The following WNK2 variants were observed in gnomAD, a reference collection of about 807,000 sequenced individuals.
The protein encoded by WNK2 is WNK lysine deficient protein kinase 2, also known as serine/threonine-protein kinase WNK2.
Under a neutral mutation model 192.1 loss-of-function variants are expected in WNK2, and 67 were observed. The observed-to-expected ratio is 0.35, with a 90% CI of 0.29 to 0.43. The LOEUF is 0.43. WNK2 is among the 20% of genes least tolerant of loss of function. The pLI is 1.00. For missense variants in WNK2, 2,698 were observed against 3,089.7 expected (o/e 0.87, Z 3.01); for synonymous variants, 1,439 against 1,393.9 (o/e 1.03, Z -0.72).
At chr9:93,262,141 TG>T (rs1450405581) in intron 13 of WNK2, 34 bp downstream of exon 13, 1 of 1,544,732 alleles carries the variant, frequency 6.5e-7, no homozygotes, top group Non-Finnish European at 8.8e-7. Flanking sequence ...GTCCCATGAC[TG>T]GGCAGTTGCG....
intron 19 of WNK2, 118 bp downstream of exon 19, chr9:93,268,864 C>T (rs754705644): frequency 1.3e-6 from 2 of 1,574,080 alleles, no homozygotes; most frequent in African/African-American, 2.7e-5. Flanking sequence ...CTCACCCTGC[C>T]CTGTCTCCCA....
chr9:93,318,348 T>C, intron 29 of WNK2: 1 of 1,593,660 alleles, frequency 6.3e-7, no homozygotes, highest in Non-Finnish European at 8.6e-7. Flanking sequence ...AGAGCTTCCA[T>C]TGCTAGGTGA....
intron 28 of WNK2, among the ~76,000 whole-genome samples, chr9:93,312,872 C>T (rs1853926855): frequency 6.6e-6 from 1 of 152,164 alleles, no homozygotes. Context: ...GTGGACCACC[C>T]TCTGGCTCTG....
chr9:93,260,317 A>G (rs147609223), intron 12 of WNK2, among the ~76,000 whole-genome samples: 206 of 152,252 alleles, frequency 1.4e-3, no homozygotes, highest in Admixed American at 4.0e-3. Context: ...GAGAGGGGCT[A>G]GTATGGGAGC....
At chr9:93,221,804 C>T (rs754358978) in intron 2 of WNK2, among the ~76,000 whole-genome samples, 2 of 152,018 alleles carry the variant, frequency 1.3e-5, no homozygotes, top group Non-Finnish European at 2.9e-5. Flanking sequence ...GCGTCGTGTC[C>T]ATCACCTCCG....
chr9:93,232,985 AGG>A (rs1839120836), intron 4 of WNK2, among the ~76,000 whole-genome samples: 1 of 147,140 alleles, frequency 6.8e-6, no homozygotes, highest in Non-Finnish European at 1.5e-5. Flanking sequence ...AAAAAAAAAA[AGG>A]CGGGGGAAGG....
chr9:93,216,012 G>A (rs529067007), intron 2 of WNK2, among the ~76,000 whole-genome samples: 8 of 152,268 alleles, frequency 5.3e-5, no homozygotes, highest in Non-Finnish European at 7.4e-5. Flanking sequence ...TATTAACCCC[G>A]TCTGGAATTG....
At chr9:93,253,108 C>A (rs376610799) in intron 9 of WNK2, 26 bp downstream of exon 9, 8 of 1,375,904 alleles carry the variant, frequency 5.8e-6, no homozygotes, top group African/African-American at 1.5e-5. Context: ...ACTCCCACCC[C>A]CTTCCCCATC....
rs1832098166 is a variant in WNK2 at position 93,200,286 on chromosome 9, T to C, written c.681+14676T>C. Among the ~76,000 whole-genome samples the C allele has an allele frequency of 2.0e-5, 3 of 152,360 alleles. No individual in the cohort carries two copies. In the South Asian group the frequency reaches 6.2e-4, roughly 32 times the overall value. On this transcript the variant is annotated intron_variant, in intron 2 of 29. Transcript: ENST00000427277. ...TCCAGGGCAGGTTTGTCTGATGGGC[T>C]ATCCAGACTTTGTCTGTCACTGCAG...
At chr9:93,311,996 A>G (rs1431398366) in intron 28 of WNK2, among the ~76,000 whole-genome samples, 2 of 152,158 alleles carry the variant, frequency 1.3e-5, no homozygotes, top group East Asian at 3.9e-4. Flanking sequence ...GTTTTGCTTT[A>G]CATTTTCCTA....
chr9:93,259,664 C>T lies in WNK2; in HGVS notation c.3066+50C>T. The T allele has an allele frequency of 3.4e-6, 5 of 1,458,296 alleles. No homozygotes were observed. The highest frequency in any genetic ancestry group is 4.5e-6 in the Non-Finnish European group (5 of 1,103,096). The allele number at this position is 1,458,296 out of a possible 1,614,324, so 90.3% of individuals were successfully genotyped here. On this transcript the variant is annotated intron_variant, in intron 12 of 29. Transcript: ENST00000427277. This position sits in a 1 kb window ranked among gnomAD's most constrained non-coding sequence, Gnocchi z 4.8. Reference sequence around the variant, plus strand: ...CACCCTCCCAGCGTCTGGGGACCCTCAGGACCCAGAGATGCAAAGGAGGAC... The same window carrying T: ...CACCCTCCCAGCGTCTGGGGACCCTTAGGACCCAGAGATGCAAAGGAGGAC...
intron 19 of WNK2, among the ~76,000 whole-genome samples, chr9:93,271,135 C>A (rs72743432): frequency 6.6e-6 from 1 of 152,196 alleles, no homozygotes; most frequent in Non-Finnish European, 1.5e-5. Context: ...GAGTAGACCT[C>A]GCCCAGGTTC....
intron 7 of WNK2, among the ~76,000 whole-genome samples, chr9:93,242,402 C>G (rs868289541): frequency 1.7e-4 from 26 of 152,220 alleles, no homozygotes; most frequent in Middle Eastern, 3.2e-3. Flanking sequence ...TTTCCTTGCT[C>G]TCCATGACCA....
At chr9:93,196,493 G>A (rs372529039) in intron 2 of WNK2, among the ~76,000 whole-genome samples, 1 of 152,224 alleles carries the variant, frequency 6.6e-6, no homozygotes, top group African/African-American at 2.4e-5. Flanking sequence ...TTGGCCTCAT[G>A]GCTACAGTAG....
At chr9:93,211,290 A>C (rs371513945) in intron 2 of WNK2, among the ~76,000 whole-genome samples, 22 of 106,612 alleles carry the variant, frequency 2.1e-4, no homozygotes, top group African/African-American at 5.6e-4. Context: ...ACTCACTCAT[A>C]CACTCAGTCA....
chr9:93,286,399 A>G (rs1451152901), intron 19 of WNK2, among the ~76,000 whole-genome samples: 1 of 152,204 alleles, frequency 6.6e-6, no homozygotes, highest in East Asian at 1.9e-4. Context: ...TGGCCAGTGA[A>G]CACAGGAGAA....
intron 21 of WNK2, 122 bp from the exon 22 acceptor site, chr9:93,292,186 A>T: frequency 2.0e-6 from 2 of 984,400 alleles, no homozygotes; most frequent in South Asian, 1.5e-5. Context: ...ACCCACTTCC[A>T]TTGTCCTGCC....
intron 2 of WNK2, among the ~76,000 whole-genome samples, chr9:93,221,798 C>G (rs369081209): frequency 2.0e-5 from 3 of 152,088 alleles, no homozygotes; most frequent in Non-Finnish European, 2.9e-5. Flanking sequence ...AGAGCCGCGT[C>G]GTGTCCATCA....
At chr9:93,224,747 T>A (rs918396863) in intron 2 of WNK2, among the ~76,000 whole-genome samples, 15 of 152,220 alleles carry the variant, frequency 9.9e-5, no homozygotes, top group Non-Finnish European at 2.2e-4. Context: ...AGATTGGTGC[T>A]GATTGACCTT....
Sources: gnomAD v4.1 joint callset for allele counts (sites outside exome capture counted in the v4.1 genomes callset) on GRCh38, gnomAD v4.1.1 for gene constraint, Gnocchi (gnomAD v3.1) non-coding constraint, MANE v1.5 for transcripts, NCBI Gene and HGNC (gene_info 2026-07-23, HGNC 2026-07-21) for gene names.